The following JADE2 variants were observed in gnomAD, a reference collection of about 807,000 sequenced individuals.
JADE2 encodes the protein E3 ubiquitin-protein ligase Jade-2.
Under a neutral mutation model 85.7 loss-of-function variants are expected in JADE2, and 13 were observed. That is an observed-to-expected ratio of 0.15 (90% confidence interval 0.10 to 0.24). JADE2 has a LOEUF of 0.24. Among genes scored for constraint, JADE2 ranks in the 10% least tolerant of loss-of-function variants. JADE2 has a pLI of 1.00. For missense variants in JADE2, 846 were observed against 1,115.9 expected, an observed-to-expected ratio of 0.76 and a Z score of 3.45; for synonymous variants, 440 against 456.1, an observed-to-expected ratio of 0.96 and a Z score of 0.45.
At chr5:134,531,003 G>A (rs1761198123) in intron 1 of JADE2, among the ~76,000 whole-genome samples, 1 of 152,218 alleles carries the variant, frequency 6.6e-6, no homozygotes. Context: ...ACATTCCCAA[G>A]GAGAACGACA....
chr5:134,550,592 A>G (rs1390977514), intron 3 of JADE2, among the ~76,000 whole-genome samples: 2 of 152,164 alleles, frequency 1.3e-5, no homozygotes, highest in African/African-American at 4.8e-5. Context: ...TTAACTTGTG[A>G]TTCTCAAATG....
rs947266005 is a variant in JADE2 at position 134,562,495 on chromosome 5, G to A, written c.852+128G>A. 13 of 974,166 alleles carry A rather than the reference G, an allele frequency of 1.3e-5. No homozygotes were observed. The highest frequency in any genetic ancestry group is 5.4e-5 in the South Asian group (3 of 55,128). 60.3% of individuals were successfully genotyped at this position (974,166 alleles called of 1,614,324 possible). ...TCGCACTAAAACACTGAGATCGGCC[G>A]GGCGCGGTGGCTCACGCCTGTAATC... On this transcript the variant is annotated intron_variant, in intron 7 of 11. Coordinates refer to ENST00000681547, the MANE Select transcript of JADE2 (RefSeq NM_001388185.1). This position sits in a 1 kb window ranked among gnomAD's most constrained non-coding sequence, Gnocchi z 4.6.
chr5:134,564,696 C>T (rs1445605626), intron 8 of JADE2, 86 bp downstream of exon 8: 23 of 834,034 alleles, frequency 2.8e-5, no homozygotes, highest in South Asian at 1.8e-5. Flanking sequence ...ACCACCTTCT[C>T]CCCTCCATGG....
chr5:134,532,703 A>G (rs1242310230), intron 1 of JADE2, among the ~76,000 whole-genome samples: 2 of 152,084 alleles, frequency 1.3e-5, no homozygotes, highest in East Asian at 1.9e-4. Flanking sequence ...CCACCCCCCA[A>G]GTGTGTTTGC....
chr5:134,551,601 C>T lies in JADE2; in HGVS notation c.154-451C>T, dbSNP rs138118652. Among the ~76,000 whole-genome samples the T allele has an allele frequency of 5.7e-3, 864 of 150,874 alleles. 7 individuals are homozygous for T. The highest frequency in any genetic ancestry group is 0.033 in the South Asian group (156 of 4,732). The stretch of plus-strand genomic sequence containing the variant: ...CCTGTGTTGCCCAGGCTGTCTTGAA[C>T]TCCTGGCCTCAAGCAGTTATCCCAC... On this transcript the variant is annotated intron_variant, in intron 3 of 11. Transcript: ENST00000681547.
intron 4 of JADE2, among the ~76,000 whole-genome samples, chr5:134,555,844 G>A (rs1326754529): frequency 6.6e-6 from 1 of 152,166 alleles, no homozygotes; most frequent in Non-Finnish European, 1.5e-5. Context: ...GTTAGTGTGG[G>A]GTGTGGTCAT....
chr5:134,578,719 G>A lies in JADE2; in HGVS notation c.1907G>A (p.Arg636Lys). Residue 636 changes from arginine (R) to lysine (K), a missense_variant, in exon 12 of 12, where the codon AGG becomes AAG. By Grantham distance (26) the Arg-to-Lys change is conservative. Around this residue, in one of 9 missense-constraint regions of JADE2, gnomAD observed 300 missense variants for 300.7 expected, o/e 1.00. Coordinates refer to ENST00000681547, the MANE Select transcript of JADE2 (RefSeq NM_001388185.1). The surrounding 1 kb of genome is among the most constrained non-coding windows in gnomAD (Gnocchi z 4.4). ...DPSLRPGDPA[R>K]KARGRTRLPA... ...TCGCTGCGACCTGGTGACCCTGCTA[G>A]GAAGGCCCGAGGCCGCACCCGCCTG... 6.2e-7 allele frequency: 1 copy of A among 1,613,354 alleles called. No individual in the cohort carries two copies.
intron 1 of JADE2, among the ~76,000 whole-genome samples, chr5:134,528,931 G>A (rs150926472): frequency 3.3e-5 from 5 of 152,310 alleles, no homozygotes; most frequent in African/African-American, 9.6e-5. Flanking sequence ...TGGTCCAAGA[G>A]GTTGTCAGAA....
chr5:134,575,594 C>T (rs1258071247), intron 10 of JADE2: 1 of 152,074 alleles, frequency 6.6e-6, no homozygotes, highest in Admixed American at 6.6e-5. Flanking sequence ...AGTATCTAGG[C>T]ATTAGTTACA....
At chr5:134,576,993 A>G in intron 11 of JADE2, 97 bp downstream of exon 11, 2 of 1,377,178 alleles carry the variant, frequency 1.5e-6, no homozygotes, top group Non-Finnish European at 1.9e-6. Flanking sequence ...TGCACAGAGT[A>G]GGAGACTGAG....
intron 3 of JADE2, among the ~76,000 whole-genome samples, chr5:134,546,562 G>A (rs1762302004): frequency 6.6e-6 from 1 of 152,136 alleles, no homozygotes; most frequent in Non-Finnish European, 1.5e-5. Flanking sequence ...GAGGTCAGGA[G>A]TTCGATACCA....
Position 134,525,805 on chromosome 5 carries a change from G to C in JADE2, c.-207G>C. On this transcript the variant is annotated 5_prime_UTR_variant, in exon 1 of 12. Transcript: ENST00000681547. The stretch of plus-strand genomic sequence containing the variant: ...TAGCGGCACCGGCTTAGGTCCTGCG[G>C]GCCGACCGTCCCCGGCGGGGGGCGT... 9.8e-7 allele frequency: 1 copy of C among 1,023,110 alleles called. No individual in the cohort carries two copies. Among genetic ancestry groups the C allele is most frequent in the Non-Finnish European group, 1.2e-6 (1 of 850,912 alleles). The allele number at this position is 1,023,110 out of a possible 1,614,324, so 63.4% of individuals were successfully genotyped here.
intron 2 of JADE2, among the ~76,000 whole-genome samples, chr5:134,537,174 T>G (rs559397939): frequency 6.6e-6 from 1 of 152,302 alleles, no homozygotes; most frequent in South Asian, 2.1e-4. Context: ...GAGAGCCAGG[T>G]ACCTGCAAGG....
At chr5:134,552,236 G>A (rs371083719) in intron 4 of JADE2, 27 bp downstream of exon 4, 7 of 1,603,628 alleles carry the variant, frequency 4.4e-6, no homozygotes, top group Non-Finnish European at 4.3e-6. Flanking sequence ...AGGCTAGGGG[G>A]CCATTGGGAC....
chr5:134,554,813 G>T (rs938262368), intron 4 of JADE2, among the ~76,000 whole-genome samples: 5 of 152,224 alleles, frequency 3.3e-5, no homozygotes, highest in Non-Finnish European at 7.3e-5. Context: ...TCATCTGGAA[G>T]GCTGCCTGGT....
At chr5:134,555,839 T>C (rs958453046) in intron 4 of JADE2, among the ~76,000 whole-genome samples, 2 of 152,288 alleles carry the variant, frequency 1.3e-5, no homozygotes, top group Middle Eastern at 3.4e-3. Flanking sequence ...CACCTGTTAG[T>C]GTGGGGTGTG....
chr5:134,538,202 C>T, intron 3 of JADE2, 119 bp downstream of exon 3: 1 of 743,354 alleles, frequency 1.3e-6, no homozygotes, highest in Non-Finnish European at 2.3e-6. Context: ...GCCAGCGTGG[C>T]CGAGTGGAAT....
Position 134,566,414 on chromosome 5 carries a change from TG to T in JADE2, c.1270del (p.Val424SerfsTer10). ...VAERLDLAEALVDFIYQYWKL... is the reference protein window; with the variant it reads ...VAERLDLAEAXVDFIYQYWKL... ...GAGCGGCTGGACCTGGCTGAGGCAC[TG>T]GTCGACTTCATCTACCAGTACTGGA... On this transcript the variant is annotated frameshift_variant, in exon 9 of 12. Transcript: ENST00000681547. LOFTEE classifies it high-confidence loss of function. This position sits in a 1 kb window ranked among gnomAD's most constrained non-coding sequence, Gnocchi z 6.7. 1 of 1,613,918 alleles carries T rather than the reference TG, an allele frequency of 6.2e-7. No individual in the cohort carries two copies. Among genetic ancestry groups the T allele is most frequent in the Non-Finnish European group, 8.5e-7 (1 of 1,179,966 alleles).
At chr5:134,529,741 A>G (rs1761107792) in intron 1 of JADE2, among the ~76,000 whole-genome samples, 2 of 152,234 alleles carry the variant, frequency 1.3e-5, no homozygotes, top group South Asian at 4.1e-4. Context: ...AAGGGATCAG[A>G]AGGATCCTGC....
Sources: gnomAD v4.1 joint callset for allele counts (sites outside exome capture counted in the v4.1 genomes callset) on GRCh38, gnomAD v4.1.1 for gene constraint, gnomAD v4.1.1 regional missense constraint, Gnocchi (gnomAD v3.1) non-coding constraint, MANE v1.5 for transcripts, NCBI Gene and HGNC (gene_info 2026-07-23, HGNC 2026-07-21) for gene names.